MBD5: variants seen among roughly 807,000 people sequenced by gnomAD.
MBD5 encodes methyl-CpG-binding domain protein 5.
In MBD5, 13 loss-of-function variants were observed where a neutral mutation model predicts 117.3. The ratio of observed to expected loss-of-function variants is 0.11; its 90% CI spans 0.07 to 0.18. The LOEUF (loss-of-function observed/expected upper bound fraction) is 0.18, where lower values mean the gene tolerates loss of function less well. Among genes scored for constraint, MBD5 ranks in the 10% least tolerant of loss-of-function variants. The pLI, the probability that MBD5 is intolerant of heterozygous loss-of-function variation, is 1.00. For missense variants in MBD5, 1,879 were observed against 2,093.8 expected (o/e 0.90, Z 2.00); for synonymous variants, 727 against 766.4 (o/e 0.95, Z 0.85).
chr2:148,109,076 C>T (rs1297283183), intron 1 of MBD5, among the ~76,000 whole-genome samples: 1 of 152,138 alleles, frequency 6.6e-6, no homozygotes, highest in Non-Finnish European at 1.5e-5. Flanking sequence ...ATGCTAATTG[C>T]AATAGCTCCT....
chr2:148,508,362 G>C (rs1203749010), intron 12 of MBD5, among the ~76,000 whole-genome samples: 1 of 151,868 alleles, frequency 6.6e-6, no homozygotes, highest in Non-Finnish European at 1.5e-5. Context: ...GTTATAAGGA[G>C]AAAAAAGAGA....
intron 12 of MBD5, among the ~76,000 whole-genome samples, chr2:148,508,045 C>G (rs1323342772): frequency 6.6e-6 from 1 of 152,132 alleles, no homozygotes; most frequent in Non-Finnish European, 1.5e-5. Flanking sequence ...ACACATTACA[C>G]ACAGTGCGAT....
intron 1 of MBD5, among the ~76,000 whole-genome samples, chr2:148,104,765 C>A (rs1038727463): frequency 1.3e-5 from 2 of 152,038 alleles, no homozygotes; most frequent in Non-Finnish European, 2.9e-5. Flanking sequence ...CTGATTTAAA[C>A]CTAAAATTGG....
chr2:148,374,658 G>A (rs2105385899), intron 4 of MBD5, among the ~76,000 whole-genome samples: 1 of 152,222 alleles, frequency 6.6e-6, no homozygotes, highest in East Asian at 1.9e-4. Flanking sequence ...TCACCCTGAG[G>A]TTAAGGTGCA....
intron 3 of MBD5, among the ~76,000 whole-genome samples, chr2:148,244,894 C>G (rs1285904605): frequency 6.6e-6 from 1 of 152,046 alleles, no homozygotes; most frequent in Admixed American, 6.6e-5. Context: ...ATAACCAGGC[C>G]AAATACCAAC....
chr2:148,425,151 A>T (rs1337084331), intron 4 of MBD5, among the ~76,000 whole-genome samples: 2 of 152,184 alleles, frequency 1.3e-5, no homozygotes, highest in Non-Finnish European at 2.9e-5. Context: ...ACTAATAAAG[A>T]AGGACAGAGA....
intron 1 of MBD5, among the ~76,000 whole-genome samples, chr2:148,174,911 G>T (rs1646812160): frequency 6.6e-6 from 1 of 152,062 alleles, no homozygotes; most frequent in South Asian, 2.1e-4. Flanking sequence ...ACTAAAAATA[G>T]AATTATCTGA....
chr2:148,032,860 C>T (rs767270537), intron 1 of MBD5, among the ~76,000 whole-genome samples: 48 of 151,758 alleles, frequency 3.2e-4, no homozygotes, highest in Non-Finnish European at 4.4e-4. Flanking sequence ...AACCAGTCAA[C>T]GTAGTGTCAT....
At chr2:148,150,454 G>A (rs1266066737) in intron 1 of MBD5, among the ~76,000 whole-genome samples, 1 of 152,168 alleles carries the variant, frequency 6.6e-6, no homozygotes, top group African/African-American at 2.4e-5. Context: ...GAACTTTAAA[G>A]TATTTTTTTC....
chr2:148,094,077 G>A (rs925604989), intron 1 of MBD5, among the ~76,000 whole-genome samples: 1 of 152,134 alleles, frequency 6.6e-6, no homozygotes, highest in African/African-American at 2.4e-5. Flanking sequence ...GTTATAAGTG[G>A]CAGAGCCTTC....
intron 3 of MBD5, among the ~76,000 whole-genome samples, chr2:148,320,344 G>T (rs780083662): frequency 2.6e-5 from 4 of 151,930 alleles, no homozygotes; most frequent in African/African-American, 7.3e-5. Flanking sequence ...TGTTGTTGTT[G>T]TTTTTGCTTT....
At chr2:148,149,712 A>G (rs1407558723) in intron 1 of MBD5, among the ~76,000 whole-genome samples, 1 of 152,112 alleles carries the variant, frequency 6.6e-6, no homozygotes. Flanking sequence ...ATTTTTTCAT[A>G]TGTTATTTGG....
At chr2:148,052,239 TC>T (rs1484112905) in intron 1 of MBD5, among the ~76,000 whole-genome samples, 1 of 120,224 alleles carries the variant, frequency 8.3e-6, no homozygotes, top group Non-Finnish European at 1.7e-5. Context: ...AGATGGAGTC[TC>T]ACTCTTGTAG....
In MBD5 at chr2:148,478,897, G is replaced by A. The variant is rs73965436; in HGVS notation, c.2519-4213G>A. 5.0e-3 allele frequency among the ~76,000 whole-genome samples: 763 copies of A among 152,188 alleles called. 5 individuals carry two copies. Among genetic ancestry groups the A allele is most frequent in the African/African-American group, 0.018 (729 of 41,518 alleles). On this transcript the variant is annotated intron_variant, in intron 8 of 13. Transcript: ENST00000642680. ...TAATTTGCTTCTTAAAAATCTCAGCGACTGTCCTTTTTATTCAATTAAGCA... is the reference window on the plus strand; with the variant it reads ...TAATTTGCTTCTTAAAAATCTCAGCAACTGTCCTTTTTATTCAATTAAGCA...
At chr2:148,090,858 GAAAT>G (rs1236667091) in intron 1 of MBD5, among the ~76,000 whole-genome samples, 2 of 151,986 alleles carry the variant, frequency 1.3e-5, no homozygotes, top group Non-Finnish European at 2.9e-5. Context: ...ACAAGAGAAA[GAAAT>G]AAAGGGCATC....
chr2:148,074,601 C>T (rs936300106), intron 1 of MBD5, among the ~76,000 whole-genome samples: 8 of 146,628 alleles, frequency 5.5e-5, no homozygotes, highest in African/African-American at 2.0e-4. Flanking sequence ...TCCCCGGGTT[C>T]AAGCAGTTCT....
chr2:148,195,568 G>A (rs1698962886), intron 2 of MBD5, among the ~76,000 whole-genome samples: 1 of 152,094 alleles, frequency 6.6e-6, no homozygotes, highest in South Asian at 2.1e-4. Context: ...ATTGACATTT[G>A]TAGAACATAT....
chr2:148,248,628 A>T (rs1222401697), intron 3 of MBD5, among the ~76,000 whole-genome samples: 1 of 152,140 alleles, frequency 6.6e-6, no homozygotes, highest in East Asian at 1.9e-4. Flanking sequence ...AAAAATTATC[A>T]GGGAGAATAT....
intron 3 of MBD5, among the ~76,000 whole-genome samples, chr2:148,321,548 C>T (rs1335956324): frequency 2.0e-5 from 3 of 152,116 alleles, no homozygotes; most frequent in Non-Finnish European, 4.4e-5. Context: ...CAGATCCCTA[C>T]TAACTTGCCT....
Sources: allele counts gnomAD v4.1 joint callset (sites outside exome capture counted in the v4.1 genomes callset), GRCh38; gene constraint gnomAD v4.1.1; transcripts MANE v1.5; gene names NCBI Gene and HGNC (gene_info 2026-07-23, HGNC 2026-07-21).